Variants in XKR6 observed in about 807,000 individuals in gnomAD.
XKR6 encodes the protein XK related 6.
In XKR6, 22 loss-of-function variants were observed where a neutral mutation model predicts 56.7. That is an observed-to-expected ratio of 0.39 (90% CI 0.28 to 0.55). XKR6 has a LOEUF of 0.55. Among genes scored for constraint, XKR6 ranks in the 20% least tolerant of loss-of-function variants. The pLI is 0.66. For synonymous variants in XKR6, 524 were observed against 387.8 expected (o/e 1.35, Z -4.13); for missense variants, 852 against 889.0 (o/e 0.96, Z 0.53).
chr8:11,115,586 G>C (rs909059030), intron 1 of XKR6, among the ~76,000 whole-genome samples: 2 of 152,078 alleles, frequency 1.3e-5, no homozygotes, highest in African/African-American at 2.4e-5. Context: ...TTCTCTGCTG[G>C]TTCTACATAT....
At chr8:11,002,216 C>A (rs1445369018) in intron 1 of XKR6, among the ~76,000 whole-genome samples, 3 of 152,194 alleles carry the variant, frequency 2.0e-5, no homozygotes, top group African/African-American at 7.2e-5. Flanking sequence ...ACCATTCCTC[C>A]ACAAAGCCAC....
At chr8:11,143,952 C>T (rs1184568808) in intron 1 of XKR6, among the ~76,000 whole-genome samples, 1 of 152,120 alleles carries the variant, frequency 6.6e-6, no homozygotes, top group African/African-American at 2.4e-5. Context: ...CAAACAGCCA[C>T]CTTCTCCCTT....
chr8:10,964,140 AT>A (rs2129131584), intron 1 of XKR6, among the ~76,000 whole-genome samples: 1 of 152,202 alleles, frequency 6.6e-6, no homozygotes, highest in Non-Finnish European at 1.5e-5. Flanking sequence ...CCTGTCTTGC[AT>A]TTACTCCCCT....
At chr8:10,932,427 T>TA (rs1165279214) in intron 1 of XKR6, among the ~76,000 whole-genome samples, 2 of 140,972 alleles carry the variant, frequency 1.4e-5, no homozygotes, top group African/African-American at 6.0e-5. Flanking sequence ...TTCTTTTTCT[T>TA]TTTTTTTTTT....
At chr8:11,032,247 A>C (rs1799010060) in intron 1 of XKR6, among the ~76,000 whole-genome samples, 1 of 152,194 alleles carries the variant, frequency 6.6e-6, no homozygotes, top group Admixed American at 6.5e-5. Flanking sequence ...CCTCCAGAAA[A>C]AGCAAAGGAA....
chr8:10,930,695 C>T (rs1385486259), intron 1 of XKR6, among the ~76,000 whole-genome samples: 2 of 152,176 alleles, frequency 1.3e-5, no homozygotes, highest in African/African-American at 4.8e-5. Flanking sequence ...CACATCATAA[C>T]AATTGATACA....
At chr8:11,066,536 A>G (rs1799983532) in intron 1 of XKR6, among the ~76,000 whole-genome samples, 1 of 152,204 alleles carries the variant, frequency 6.6e-6, no homozygotes, top group Admixed American at 6.5e-5. Context: ...TTTATCCAAT[A>G]GAGACGTCAC....
chr8:11,060,423 C>T (rs1799800829), intron 1 of XKR6, among the ~76,000 whole-genome samples: 1 of 152,222 alleles, frequency 6.6e-6, no homozygotes, highest in Admixed American at 6.5e-5. Flanking sequence ...CCTCCGCAGC[C>T]CCGCAGTGCC....
intron 1 of XKR6, among the ~76,000 whole-genome samples, chr8:11,101,916 T>C (rs1025049183): frequency 3.3e-5 from 5 of 152,228 alleles, no homozygotes; most frequent in South Asian, 2.1e-4. Context: ...TTTAGTGTTG[T>C]ATCTTGCAGT....
intron 1 of XKR6, among the ~76,000 whole-genome samples, chr8:11,199,901 C>G (rs1463354859): frequency 6.6e-6 from 1 of 152,042 alleles, no homozygotes; most frequent in South Asian, 2.1e-4. Context: ...TAACACCAAA[C>G]GCTCGCGCCC....
chr8:11,125,888 T>C (rs149410311), intron 1 of XKR6: 1 of 152,336 alleles, frequency 6.6e-6, no homozygotes, highest in Non-Finnish European at 1.5e-5. Flanking sequence ...GTGTTCTCAG[T>C]ACTATACTTC....
At position 11,087,023 on chromosome 8, in the gene XKR6, G is replaced by A. The variant is rs1352519697; in HGVS notation, c.764+113553C>T. Among the ~76,000 whole-genome samples, 3 of 152,244 alleles carry A rather than the reference G, an allele frequency of 2.0e-5. No homozygotes were observed. In the South Asian group the frequency reaches 6.2e-4, roughly 32 times the overall value. On this transcript the variant is annotated intron_variant, in intron 1 of 2. Coordinates refer to ENST00000416569, the MANE Select transcript of XKR6 (RefSeq NM_173683.4). ...CTCTGCCTTTACTTCCAGGGCTGAC[G>A]TGTGGGCAAGTAGAATCAATTAACC...
chr8:11,135,787 T>C (rs1800358313), intron 1 of XKR6, among the ~76,000 whole-genome samples: 1 of 151,694 alleles, frequency 6.6e-6, no homozygotes, highest in Non-Finnish European at 1.5e-5. Flanking sequence ...AAAAATTTCA[T>C]ATAAATTCAA....
At chr8:11,161,212 G>A (rs759232856) in intron 1 of XKR6, among the ~76,000 whole-genome samples, 2 of 152,094 alleles carry the variant, frequency 1.3e-5, no homozygotes, top group African/African-American at 4.8e-5. Context: ...CAACACAAAC[G>A]CTTCCGAGTA....
intron 1 of XKR6, among the ~76,000 whole-genome samples, chr8:11,035,867 A>G (rs1385195860): frequency 6.6e-6 from 1 of 151,558 alleles, no homozygotes; most frequent in Admixed American, 6.6e-5. Flanking sequence ...GATTCTACCT[A>G]CATCTAGGGC....
chr8:11,175,159 T>C (rs1309385816), intron 1 of XKR6: 1 of 152,572 alleles, frequency 6.6e-6, no homozygotes, highest in Non-Finnish European at 1.5e-5. Flanking sequence ...GCCATCGAGG[T>C]TGCATATATG....
chr8:11,055,170 TGA>T (rs1799650051), intron 1 of XKR6, among the ~76,000 whole-genome samples: 1 of 152,150 alleles, frequency 6.6e-6, no homozygotes, highest in Non-Finnish European at 1.5e-5. Context: ...TTCCAGGAAG[TGA>T]GAGAGATTGG....
intron 1 of XKR6, among the ~76,000 whole-genome samples, chr8:11,031,770 C>T (rs1012727012): frequency 1.3e-5 from 2 of 152,362 alleles, no homozygotes; most frequent in East Asian, 1.9e-4. Context: ...ATAAACGTGA[C>T]AGTGAAACTA....
intron 1 of XKR6, among the ~76,000 whole-genome samples, chr8:11,013,287 C>A (rs1798541796): frequency 1.3e-5 from 2 of 152,168 alleles, no homozygotes; most frequent in South Asian, 4.1e-4. Context: ...CCTTCACCAC[C>A]ATGTGGTTTT....
Sources: allele counts gnomAD v4.1 joint callset (sites outside exome capture counted in the v4.1 genomes callset), GRCh38; gene constraint gnomAD v4.1.1; transcripts MANE v1.5; gene names NCBI Gene and HGNC (gene_info 2026-07-23, HGNC 2026-07-21).